The following FBXW2 variants were observed in gnomAD, a reference collection of about 807,000 sequenced individuals.
FBXW2 encodes F-box and WD repeat domain containing 2, also known as F-box/WD repeat-containing protein 2.
Under a neutral mutation model 46.0 loss-of-function variants are expected in FBXW2, and 12 were observed. The ratio of observed to expected loss-of-function variants is 0.26; its 90% CI spans 0.17 to 0.42. FBXW2 has a LOEUF of 0.42. Ranked by LOEUF, FBXW2 falls within the 10% of genes least tolerant of loss-of-function variation. The pLI is 1.00. For synonymous variants in FBXW2, 203 were observed against 209.6 expected, an observed-to-expected ratio of 0.97 and a Z score of 0.27; for missense variants, 360 against 537.0, an observed-to-expected ratio of 0.67 and a Z score of 3.26.
At chr9:120,778,820 C>T (rs899363877) in intron 3 of FBXW2, among the ~76,000 whole-genome samples, 4 of 152,160 alleles carry the variant, frequency 2.6e-5, no homozygotes, top group Non-Finnish European at 5.9e-5. Flanking sequence ...TAAAAGCATC[C>T]CTTGGTGCTT....
At chr9:120,791,325 C>A (rs2044835875) in intron 2 of FBXW2, among the ~76,000 whole-genome samples, 1 of 152,184 alleles carries the variant, frequency 6.6e-6, no homozygotes, top group African/African-American at 2.4e-5. Flanking sequence ...CACGAACAGT[C>A]AAGGACAGTT....
At chr9:120,769,980 T>C (rs1263511186) in intron 7 of FBXW2, among the ~76,000 whole-genome samples, 1 of 152,128 alleles carries the variant, frequency 6.6e-6, no homozygotes, top group Non-Finnish European at 1.5e-5. Flanking sequence ...CAGGAAGACA[T>C]AAATGGGGTT....
intron 6 of FBXW2, among the ~76,000 whole-genome samples, chr9:120,772,552 T>C (rs1186303267): frequency 6.6e-6 from 1 of 152,194 alleles, no homozygotes; most frequent in Non-Finnish European, 1.5e-5. Context: ...GAATTTCTTT[T>C]TCATTTACAA....
chr9:120,769,286 G>A (rs2131293451), intron 7 of FBXW2, among the ~76,000 whole-genome samples: 1 of 152,222 alleles, frequency 6.6e-6, no homozygotes, highest in African/African-American at 2.4e-5. Flanking sequence ...TCTGTGTTTG[G>A]GAGGAAAAAA....
chr9:120,784,685 C>T (rs1164613939), intron 3 of FBXW2, among the ~76,000 whole-genome samples: 2 of 151,394 alleles, frequency 1.3e-5, no homozygotes, highest in African/African-American at 4.9e-5. Flanking sequence ...TTTGGGAGGC[C>T]GAGGCAGGCA....
chr9:120,784,712 G>C (rs2044683242), intron 3 of FBXW2, among the ~76,000 whole-genome samples: 1 of 151,996 alleles, frequency 6.6e-6, no homozygotes, highest in South Asian at 2.1e-4. Flanking sequence ...CTGAGATCAG[G>C]AGTTTGAGAC....
intron 2 of FBXW2, among the ~76,000 whole-genome samples, chr9:120,789,650 T>C (rs530884994): frequency 1.2e-4 from 18 of 152,324 alleles, no homozygotes; most frequent in Non-Finnish European, 2.5e-4. Flanking sequence ...TATGTCCAAA[T>C]TAATGTGAAA....
intron 7 of FBXW2, among the ~76,000 whole-genome samples, chr9:120,770,688 T>C (rs2044360259): frequency 1.3e-5 from 2 of 152,210 alleles, no homozygotes; most frequent in Non-Finnish European, 1.5e-5. Flanking sequence ...CACAGCCCAT[T>C]AGAGATGGCA....
In FBXW2 at chr9:120,788,212, G is replaced by T. The variant is rs1341768485; in HGVS notation, c.47C>A (p.Thr16Lys). The stretch of plus-strand genomic sequence containing the variant: ...CTGCAAGTCCGTCAGAGAAAGAAAT[G>T]TAACAGAAATGTTATCAAGCCATGT... ...FETWLDNISV[T>K]FLSLTDLQKN... The change falls in exon 3 of 8, where the codon ACA becomes AAA. Residue 16 changes from threonine to lysine, a missense_variant. Physicochemically the swap from Thr to Lys is moderately conservative, Grantham distance 78. Coordinates refer to ENST00000608872, the MANE Select transcript of FBXW2 (RefSeq NM_012164.4). The T allele has an allele frequency of 6.2e-7, 1 of 1,613,980 alleles. No individual in the cohort carries two copies. The highest frequency in any genetic ancestry group is 8.5e-7 in the Non-Finnish European group (1 of 1,180,016).
intron 3 of FBXW2, among the ~76,000 whole-genome samples, chr9:120,780,678 T>C (rs1461076767): frequency 6.6e-6 from 1 of 152,200 alleles, no homozygotes; most frequent in Non-Finnish European, 1.5e-5. Flanking sequence ...CTTTATGAGC[T>C]TGGTTTTGGT....
chr9:120,777,762 C>T (rs1260606698), intron 4 of FBXW2, among the ~76,000 whole-genome samples: 1 of 140,860 alleles, frequency 7.1e-6, no homozygotes, highest in Non-Finnish European at 1.5e-5. Context: ...AATCTCAAGG[C>T]TATATTCAAA....
intron 2 of FBXW2, among the ~76,000 whole-genome samples, chr9:120,788,495 A>G (rs138326139): frequency 7.9e-5 from 12 of 152,372 alleles, no homozygotes; most frequent in Non-Finnish European, 1.3e-4. Context: ...TTAACAAATC[A>G]TGAATCCAAA....
intron 4 of FBXW2, among the ~76,000 whole-genome samples, chr9:120,778,083 ATGAG>A (rs1564456932): frequency 6.6e-6 from 1 of 151,644 alleles, no homozygotes; most frequent in East Asian, 1.9e-4. Flanking sequence ...GAGAGAGAGA[ATGAG>A]AGAGAGAGAG....
Position 120,761,719 on chromosome 9 carries a change from C to G in FBXW2, c.*2840G>C, listed in dbSNP as rs1223659531. ...CCATAAGGAAGAACTGACATTAGGA[C>G]TCCAATTACTGCCTGAAGTTCTGCT... On this transcript the variant is annotated 3_prime_UTR_variant, in exon 8 of 8. Transcript: ENST00000608872. The G allele has an allele frequency of 6.6e-6, 1 of 152,082 alleles. No homozygotes were observed. Among genetic ancestry groups the G allele is most frequent in the Non-Finnish European group, 1.5e-5 (1 of 68,032 alleles). 9.4% of individuals were successfully genotyped at this position (152,082 alleles called of 1,614,324 possible).
At chr9:120,765,291 C>T (rs1412232780) in intron 7 of FBXW2, among the ~76,000 whole-genome samples, 1 of 152,094 alleles carries the variant, frequency 6.6e-6, no homozygotes, top group Non-Finnish European at 1.5e-5. Flanking sequence ...GACGAGGTTT[C>T]ACCATGTTGG....
chr9:120,773,568 C>G (rs146300493), intron 5 of FBXW2, among the ~76,000 whole-genome samples: 2 of 152,298 alleles, frequency 1.3e-5, no homozygotes, highest in Admixed American at 6.5e-5. Flanking sequence ...AGCTAACATT[C>G]TGTTAGCACT....
intron 5 of FBXW2, 69 bp from the exon 6 acceptor site, chr9:120,772,909 A>G (rs1202755764): frequency 9.2e-7 from 1 of 1,086,594 alleles, no homozygotes; most frequent in Non-Finnish European, 1.4e-6. Flanking sequence ...TATTCTTTAA[A>G]TTAAAATACA....
At position 120,773,957 on chromosome 9, in the gene FBXW2, G is replaced by A. The variant is rs144276347; in HGVS notation, c.820-1117C>T. On this transcript the variant is annotated intron_variant, in intron 5 of 7. Transcript: ENST00000608872. ...TATAATCCCAGCACTTTGAGAGGCC[G>A]AGGAGGGAGGACTGCTTGAGGCCAG... Among the ~76,000 whole-genome samples, 1,413 of 152,280 alleles carry A rather than the reference G, an allele frequency of 9.3e-3. 18 individuals are homozygous for A. Among genetic ancestry groups the A allele is most frequent in the African/African-American group, 0.032 (1,339 of 41,542 alleles).
intron 5 of FBXW2, among the ~76,000 whole-genome samples, chr9:120,775,063 CT>C (rs112751525): frequency 3.2e-3 from 470 of 146,070 alleles, no homozygotes; most frequent in Non-Finnish European, 3.4e-3. Flanking sequence ...CTTTCCTATA[CT>C]TTTTTTTTTT....
Sources: allele counts gnomAD v4.1 joint callset (sites outside exome capture counted in the v4.1 genomes callset), GRCh38; gene constraint gnomAD v4.1.1; transcripts MANE v1.5; gene names NCBI Gene and HGNC (gene_info 2026-07-23, HGNC 2026-07-21).